Variants in RIMS2 observed in about 807,000 individuals in gnomAD.
The protein encoded by RIMS2 is regulating synaptic membrane exocytosis 2, also known as regulating synaptic membrane exocytosis protein 2.
Under a neutral mutation model 174.4 loss-of-function variants are expected in RIMS2, and 59 were observed. That is an observed-to-expected ratio of 0.34 (90% confidence interval 0.27 to 0.42). The LOEUF (loss-of-function observed/expected upper bound fraction) is 0.42. Among genes scored for constraint, RIMS2 ranks in the 10% least tolerant of loss-of-function variants. The pLI, the probability that RIMS2 is intolerant of heterozygous loss-of-function variation, is 1.00. For missense variants in RIMS2, 1,620 were observed against 1,666.3 expected, an observed-to-expected ratio of 0.97 and a Z score of 0.48; for synonymous variants, 606 against 572.5, an observed-to-expected ratio of 1.06 and a Z score of -0.84.
intron 3 of RIMS2, among the ~76,000 whole-genome samples, chr8:103,818,059 C>A (rs1056229190): frequency 2.0e-5 from 3 of 151,708 alleles, no homozygotes; most frequent in African/African-American, 7.2e-5. Flanking sequence ...TGAGAAGAAA[C>A]CCATAATTGA....
chr8:103,562,376 C>G (rs1265377609), intron 1 of RIMS2, among the ~76,000 whole-genome samples: 1 of 152,196 alleles, frequency 6.6e-6, no homozygotes, highest in Non-Finnish European at 1.5e-5. Flanking sequence ...TTGGCCAAAA[C>G]AAGGGGCTAC....
intron 16 of RIMS2, among the ~76,000 whole-genome samples, chr8:103,980,117 C>T (rs961775282): frequency 6.6e-6 from 1 of 152,088 alleles, no homozygotes; most frequent in Non-Finnish European, 1.5e-5. Context: ...TAAAGGAGTG[C>T]TAGTACCACT....
At chr8:103,581,133 T>C (rs1014746459) in intron 1 of RIMS2, among the ~76,000 whole-genome samples, 1 of 152,056 alleles carries the variant, frequency 6.6e-6, no homozygotes, top group Non-Finnish European at 1.5e-5. Context: ...GGGAATACTT[T>C]CAAACTCATT....
intron 19 of RIMS2, among the ~76,000 whole-genome samples, chr8:104,144,868 A>G (rs2098619416): frequency 6.6e-6 from 1 of 152,088 alleles, no homozygotes; most frequent in Non-Finnish European, 1.5e-5. Flanking sequence ...TGTGACTGGA[A>G]AAACTCTGGG....
At chr8:103,623,511 G>GT (rs2095690696) in intron 1 of RIMS2, among the ~76,000 whole-genome samples, 1 of 127,522 alleles carries the variant, frequency 7.8e-6, no homozygotes, top group Non-Finnish European at 1.6e-5. Flanking sequence ...TTGAGACGGA[G>GT]TCTCGCTCTG....
At chr8:103,868,618 AT>A (rs1195985559) in intron 3 of RIMS2, among the ~76,000 whole-genome samples, 7 of 152,170 alleles carry the variant, frequency 4.6e-5, no homozygotes, top group Non-Finnish European at 8.8e-5. Context: ...GTTTGGTTAA[AT>A]TTTTTTCATG....
At chr8:103,682,203 A>T (rs746795796) in intron 1 of RIMS2, among the ~76,000 whole-genome samples, 8 of 152,118 alleles carry the variant, frequency 5.3e-5, no homozygotes, top group Non-Finnish European at 1.2e-4. Flanking sequence ...AAAAGTCTGA[A>T]CTAGAGGTAT....
intron 1 of RIMS2, among the ~76,000 whole-genome samples, chr8:103,549,098 C>T (rs1012308049): frequency 7.9e-5 from 12 of 151,858 alleles, no homozygotes; most frequent in African/African-American, 2.4e-4. Flanking sequence ...ACTCAACATT[C>T]GAATTCAGGA....
At chr8:104,082,919 T>C (rs911921752) in intron 19 of RIMS2, among the ~76,000 whole-genome samples, 1 of 152,134 alleles carries the variant, frequency 6.6e-6, no homozygotes. Context: ...TTTAATGATA[T>C]ACTTAAGATG....
intron 8 of RIMS2, among the ~76,000 whole-genome samples, chr8:103,917,123 G>A (rs1239720432): frequency 1.3e-5 from 2 of 152,124 alleles, no homozygotes; most frequent in Non-Finnish European, 2.9e-5. Flanking sequence ...AGAGGCAAGT[G>A]AATTACATTA....
At chr8:103,924,075 T>C (rs11778485) in intron 10 of RIMS2, among the ~76,000 whole-genome samples, 19,171 of 151,628 alleles carry the variant, frequency 0.13, 1,670 homozygotes, top group Non-Finnish European at 0.19. Flanking sequence ...ATAATGATAC[T>C]GTGGAAATCC....
At chr8:104,188,994 G>A (rs2136275899) in intron 19 of RIMS2, among the ~76,000 whole-genome samples, 1 of 151,856 alleles carries the variant, frequency 6.6e-6, no homozygotes, top group East Asian at 1.9e-4. Flanking sequence ...TCCTTCCATA[G>A]CTTTAATTGC....
chr8:104,014,339 A>C (rs945152378), intron 18 of RIMS2, among the ~76,000 whole-genome samples, 167 bp from the exon 21 acceptor site: 3 of 152,206 alleles, frequency 2.0e-5, no homozygotes, highest in African/African-American at 4.8e-5. Flanking sequence ...ATCTTTTGCT[A>C]TTTAATCATT....
intron 4 of RIMS2, among the ~76,000 whole-genome samples, chr8:103,888,755 G>A (rs1275837722): frequency 6.6e-6 from 1 of 151,500 alleles, no homozygotes; most frequent in Non-Finnish European, 1.5e-5. Flanking sequence ...AAACAAATTA[G>A]CAAAACTAAA....
chr8:103,929,529 G>T (rs2079485678), intron 11 of RIMS2, among the ~76,000 whole-genome samples: 1 of 151,146 alleles, frequency 6.6e-6, no homozygotes, highest in African/African-American at 2.4e-5. Context: ...TTCCTTTGAG[G>T]CCTTAATATT....
At chr8:103,926,873 GT>G (rs774151223) in intron 10 of RIMS2, among the ~76,000 whole-genome samples, 2 of 151,542 alleles carry the variant, frequency 1.3e-5, no homozygotes, top group Admixed American at 6.6e-5. Flanking sequence ...ACAAAAGTCA[GT>G]AAGAGAAAAG....
At chr8:103,930,062 T>G (rs1207593091) in intron 11 of RIMS2, among the ~76,000 whole-genome samples, 1 of 152,030 alleles carries the variant, frequency 6.6e-6, no homozygotes, top group Non-Finnish European at 1.5e-5. Flanking sequence ...AATCACAATT[T>G]GAGAAATACT....
intron 19 of RIMS2, among the ~76,000 whole-genome samples, chr8:104,075,845 G>A (rs1386503609): frequency 1.3e-5 from 2 of 152,042 alleles, no homozygotes; most frequent in Non-Finnish European, 2.9e-5. Flanking sequence ...TGATACTGCC[G>A]CCTACTATAC....
At chr8:103,513,152 C>G (rs1021165031) in intron 1 of RIMS2, among the ~76,000 whole-genome samples, 1 of 152,120 alleles carries the variant, frequency 6.6e-6, no homozygotes, top group South Asian at 2.1e-4. Flanking sequence ...CTGCAGTCGG[C>G]AAGTGCTCTG....
Sources: allele counts gnomAD v4.1 joint callset (sites outside exome capture counted in the v4.1 genomes callset), GRCh38; gene constraint gnomAD v4.1.1; transcripts MANE v1.5; gene names NCBI Gene and HGNC (gene_info 2026-07-23, HGNC 2026-07-21).